The following CBFB variants were observed in gnomAD, a reference collection of about 807,000 sequenced individuals.
CBFB encodes CBF-beta.
CBFB carries 9 observed loss-of-function variants against 30.4 expected under a neutral mutation model. The observed-to-expected ratio is 0.30, with a 90% confidence interval of 0.18 to 0.52. CBFB has a LOEUF of 0.52. CBFB is among the 20% of genes least tolerant of loss of function. The probability of loss-of-function intolerance (pLI) is 0.97; values close to 1 mark genes in which losing one functional copy is unlikely to be tolerated. For synonymous variants in CBFB, 94 were observed against 84.0 expected, an observed-to-expected ratio of 1.12 and a Z score of -0.65; for missense variants, 170 against 244.0, an observed-to-expected ratio of 0.70 and a Z score of 2.02.
chr16:67,042,295 A>G (rs1213440810), intron 3 of CBFB, among the ~76,000 whole-genome samples: 2 of 152,098 alleles, frequency 1.3e-5, no homozygotes, highest in Non-Finnish European at 2.9e-5. Context: ...GACTAGGACG[A>G]CAGATATTTG....
rs1960875768 is a variant in CBFB at position 67,060,425 on chromosome 16, T to TTG, written c.283-6257_283-6256insTG. 2.0e-5 allele frequency among the ~76,000 whole-genome samples: 3 copies of TTG among 152,284 alleles called. No individual in the cohort carries two copies. The South Asian group carries it at 6.2e-4, about 32-fold the overall frequency. ...ACATTTTCGTCACACCATAAAGAAA[T>TTG]CCCATACATGGTAGCAATTACTCCT... is the stretch of plus-strand genomic sequence containing the variant. On this transcript the variant is annotated intron_variant, in intron 3 of 5. Transcript: ENST00000412916.
chr16:67,090,038 T>C (rs1022036864), intron 5 of CBFB, among the ~76,000 whole-genome samples: 3 of 152,198 alleles, frequency 2.0e-5, no homozygotes, highest in Non-Finnish European at 4.4e-5. Context: ...TAGATTCTGG[T>C]GTTTTTTGTT....
At chr16:67,049,208 ATTTAT>A (rs1424750464) in intron 3 of CBFB, among the ~76,000 whole-genome samples, 16 of 150,106 alleles carry the variant, frequency 1.1e-4, no homozygotes, top group African/African-American at 3.2e-4. Context: ...TTTATTTTTT[ATTTAT>A]TTACTTATTT....
At chr16:67,056,776 G>C (rs1960738753) in intron 3 of CBFB, among the ~76,000 whole-genome samples, 1 of 152,020 alleles carries the variant, frequency 6.6e-6, no homozygotes, top group Non-Finnish European at 1.5e-5. Flanking sequence ...CGGCTTCCCG[G>C]GTTCAAGCAG....
intron 5 of CBFB, among the ~76,000 whole-genome samples, chr16:67,084,445 A>G (rs1414489020): frequency 6.6e-6 from 1 of 152,138 alleles, no homozygotes; most frequent in South Asian, 2.1e-4. Flanking sequence ...TGTTAAATTC[A>G]TGTCCTATAT....
At position 67,029,317 on chromosome 16, in the gene CBFB, G is replaced by GT. The variant is rs1317490024; in HGVS notation, c.-90dup. 3 of 869,392 alleles carry GT rather than the reference G, an allele frequency of 3.5e-6. No homozygotes were observed. In the East Asian group the frequency reaches 1.1e-4, roughly 31 times the overall value. 53.9% of individuals were successfully genotyped at this position (869,392 alleles called of 1,614,324 possible). On this transcript the variant is annotated 5_prime_UTR_variant, in exon 1 of 6. Coordinates refer to ENST00000412916, the MANE Select transcript of CBFB (RefSeq NM_022845.3). ...GGAAGCGGGCGTCCGGGCGCCGCGG[G>GT]TGGGCGGTCAGTCGGTCAGCGCGGA...
At chr16:67,031,833 AAG>A (rs1403325329) in intron 2 of CBFB, among the ~76,000 whole-genome samples, 11 of 148,650 alleles carry the variant, frequency 7.4e-5, no homozygotes, top group Non-Finnish European at 1.5e-5. Flanking sequence ...TTTTTTTTTT[AAG>A]AGAGAGGTCT....
intron 3 of CBFB, among the ~76,000 whole-genome samples, chr16:67,064,426 C>T (rs1960997792): frequency 6.6e-6 from 1 of 152,026 alleles, no homozygotes. Context: ...AGGCTGGTCT[C>T]GAACTTCTGA....
intron 5 of CBFB, among the ~76,000 whole-genome samples, chr16:67,089,301 T>G (rs1436932304): frequency 6.6e-6 from 1 of 152,216 alleles, no homozygotes; most frequent in Non-Finnish European, 1.5e-5. Context: ...TGGGTAATTT[T>G]TGTTTAAATG....
intron 4 of CBFB, among the ~76,000 whole-genome samples, chr16:67,074,007 G>T (rs752111189): frequency 1.3e-5 from 2 of 152,032 alleles, no homozygotes; most frequent in Non-Finnish European, 2.9e-5. Context: ...CCAAGCCTGG[G>T]CAACAGAGCA....
intron 3 of CBFB, among the ~76,000 whole-genome samples, chr16:67,061,865 C>T (rs767854551): frequency 1.3e-5 from 2 of 151,966 alleles, no homozygotes; most frequent in Non-Finnish European, 2.9e-5. Flanking sequence ...AACCCCGTCT[C>T]TACTGAAAAT....
rs1481268156 is a variant in CBFB at position 67,100,790 on chromosome 16, T to C, written c.*2012T>C. The stretch of plus-strand genomic sequence containing the variant: ...TTTCTGTCATTTAGCACCATGCTGC[T>C]TCTGTCTGTCTTAATGCTGGCATTA... On this transcript the variant is annotated 3_prime_UTR_variant, in exon 6 of 6. Transcript: ENST00000412916. The C allele has an allele frequency of 4.6e-6, 1 of 215,964 alleles. No homozygotes were observed. 13.4% of individuals were successfully genotyped at this position (215,964 alleles called of 1,614,324 possible).
At chr16:67,061,327 C>A (rs933788924) in intron 3 of CBFB, among the ~76,000 whole-genome samples, 2 of 152,158 alleles carry the variant, frequency 1.3e-5, no homozygotes, top group African/African-American at 4.8e-5. Flanking sequence ...CATCTGTTTA[C>A]CCATTTTAAA....
At chr16:67,055,748 A>G (rs1451034419) in intron 3 of CBFB, among the ~76,000 whole-genome samples, 4 of 152,106 alleles carry the variant, frequency 2.6e-5, no homozygotes, top group Non-Finnish European at 4.4e-5. Flanking sequence ...AGAAGAAGCT[A>G]TTTTTACACA....
At position 67,099,234 on chromosome 16, in the gene CBFB, G is replaced by A. The variant is rs1597168263; in HGVS notation, c.*456G>A. On this transcript the variant is annotated 3_prime_UTR_variant, in exon 6 of 6. Transcript: ENST00000412916. ...TTTTAGATGAGCATTCTTATTTTTT[G>A]TTTTGTTTGCCCCATTTCCTTTTGT... 2 of 228,512 alleles carry A rather than the reference G, an allele frequency of 8.8e-6. No homozygotes were observed. Among genetic ancestry groups the A allele is most frequent in the South Asian group, 1.8e-4 (1 of 5,406 alleles). The allele number at this position is 228,512 out of a possible 1,614,324, so 14.2% of individuals were successfully genotyped here.
chr16:67,097,709 T>A (rs1597167031), intron 5 of CBFB, among the ~76,000 whole-genome samples: 2 of 152,240 alleles, frequency 1.3e-5, no homozygotes, highest in African/African-American at 4.8e-5. Flanking sequence ...TCAGTTTTTT[T>A]ATTTGTAAAA....
At chr16:67,098,565 T>A (rs1962122921) in intron 5 of CBFB, 145 bp from the exon 6 acceptor site, 1 of 569,908 alleles carries the variant, frequency 1.8e-6, no homozygotes, top group African/African-American at 1.9e-5. Context: ...AATTGGTTTT[T>A]TTTTGCCTGT....
intron 4 of CBFB, among the ~76,000 whole-genome samples, chr16:67,070,841 A>G (rs1044321056): frequency 2.6e-5 from 4 of 152,224 alleles, no homozygotes; most frequent in Non-Finnish European, 5.9e-5. Flanking sequence ...ACAGAGCAAG[A>G]CAAGACCCTG....
intron 4 of CBFB, among the ~76,000 whole-genome samples, chr16:67,080,348 T>C (rs1400547422): frequency 6.6e-6 from 1 of 152,022 alleles, no homozygotes; most frequent in Non-Finnish European, 1.5e-5. Flanking sequence ...AGGAAACTTT[T>C]TATAGGAATG....
Sources: gnomAD v4.1 joint callset for allele counts (sites outside exome capture counted in the v4.1 genomes callset) on GRCh38, gnomAD v4.1.1 for gene constraint, MANE v1.5 for transcripts, NCBI Gene and HGNC (gene_info 2026-07-23, HGNC 2026-07-21) for gene names.